The following PCDHGA7 variants were observed in gnomAD, a reference collection of about 807,000 sequenced individuals.
The protein encoded by PCDHGA7 is protocadherin gamma subfamily A, 7.
In PCDHGA7, 44 loss-of-function variants were observed where a neutral mutation model predicts 58.3. That is an observed-to-expected ratio of 0.75 (90% CI 0.59 to 0.97). PCDHGA7 has a LOEUF of 0.97. Ranked by LOEUF, PCDHGA7 falls within the 50% of genes least tolerant of loss-of-function variation. PCDHGA7 has a pLI of 0.00. For missense variants in PCDHGA7, 1,266 were observed against 1,188.7 expected, an observed-to-expected ratio of 1.06 and a Z score of -0.96; for synonymous variants, 516 against 504.2, an observed-to-expected ratio of 1.02 and a Z score of -0.31.
intron 1 of PCDHGA7, chr5:141,440,348 C>G (rs2098169693): frequency 6.6e-6 from 1 of 152,190 alleles, no homozygotes; most frequent in South Asian, 2.1e-4. Flanking sequence ...GGCCTATAAT[C>G]CTAGCTACTC....
Position 141,392,895 on chromosome 5 carries a change from A to C in PCDHGA7, c.2424+7572A>C, listed in dbSNP as rs1213908930. ...GCTGGGAACGCTGTGGGAAATCGGG[A>C]GGGGACAGATTCGCTACTCTGTGCC... On this transcript the variant is annotated intron_variant, in intron 1 of 3. Transcript: ENST00000518325. 11 of 1,613,660 alleles carry C rather than the reference A, an allele frequency of 6.8e-6. No individual in the cohort carries two copies. The Admixed American group carries it at 1.8e-4, about 27-fold the overall frequency.
intron 1 of PCDHGA7, chr5:141,399,437 A>G (rs780100815): frequency 3.7e-5 from 59 of 1,613,998 alleles, no homozygotes; most frequent in East Asian, 6.7e-5. Flanking sequence ...GTCATCCTAC[A>G]TATCAGAGAC....
intron 1 of PCDHGA7, among the ~76,000 whole-genome samples, chr5:141,481,063 C>T (rs2154578481): frequency 6.6e-6 from 1 of 151,952 alleles, no homozygotes; most frequent in Middle Eastern, 3.4e-3. Context: ...ACCTCAAAAA[C>T]AAAAAGAAAG....
rs2099701571 is a variant in PCDHGA7, at chr5:141,490,550, A to G, written c.2425-4257A>G. On this transcript the variant is annotated intron_variant, in intron 1 of 3. Coordinates refer to ENST00000518325, the MANE Select transcript of PCDHGA7 (RefSeq NM_018920.4). This position sits in a 1 kb window ranked among gnomAD's most constrained non-coding sequence, Gnocchi z 5.4. ...GCTGGTTCACCTTCCCTACACAAACATCTCACCATCAGGCTCAACATTTCA... is the reference window on the plus strand; with the variant it reads ...GCTGGTTCACCTTCCCTACACAAACGTCTCACCATCAGGCTCAACATTTCA... 1 of 1,614,092 alleles carries G rather than the reference A, an allele frequency of 6.2e-7. No individual in the cohort carries two copies.
intron 1 of PCDHGA7, chr5:141,415,385 C>T (rs1388093443): frequency 3.7e-6 from 6 of 1,614,228 alleles, no homozygotes; most frequent in Non-Finnish European, 5.1e-6. Flanking sequence ...GGCGGCTTGA[C>T]AGGTGTGTCC....
rs768990626 is a variant in PCDHGA7, at chr5:141,427,590, C to T, written c.2424+42267C>T. On this transcript the variant is annotated intron_variant, in intron 1 of 3. Coordinates refer to ENST00000518325, the MANE Select transcript of PCDHGA7 (RefSeq NM_018920.4). ...GCCTCCGCTCTCATCCAGCACAAGCCTCACCCTACGCATTGGTGAAGTCAA... is the reference window on the plus strand; with the variant it reads ...GCCTCCGCTCTCATCCAGCACAAGCTTCACCCTACGCATTGGTGAAGTCAA... 44 of 678,892 alleles carry T rather than the reference C, an allele frequency of 6.5e-5. No individual in the cohort carries two copies. In the Admixed American group the frequency reaches 8.5e-4, roughly 13 times the overall value. The allele number at this position is 678,892 out of a possible 1,614,324, so 42.1% of individuals were successfully genotyped here.
chr5:141,385,316 G>A lies in PCDHGA7; in HGVS notation c.2417G>A (p.Ser806Asn). 1.2e-6 allele frequency: 2 copies of A among 1,610,350 alleles called. No homozygotes were observed. The highest frequency in any genetic ancestry group is 1.7e-6 in the Non-Finnish European group (2 of 1,177,750). ...CAGGAATGTAAAGAAAACCTGCCAA[G>A]TATTCAGGTGAGCCCAGCCCTTCCT... ...DFQECKENLP[S>N]IQQAPPNTDW... The change falls in exon 1 of 4, where the codon AGT becomes AAT. Residue 806 changes from serine (S) to asparagine (N), a missense_variant. Ser to Asn is a conservative substitution (Grantham distance 46). Coordinates refer to ENST00000518325, the MANE Select transcript of PCDHGA7 (RefSeq NM_018920.4).
intron 1 of PCDHGA7, chr5:141,430,541 C>T: frequency 2.5e-6 from 1 of 392,344 alleles, no homozygotes; most frequent in Non-Finnish European, 4.5e-6. Flanking sequence ...ACTCTGAGCG[C>T]CGCTGTTCAC....
rs775104626 is a variant in PCDHGA7, at chr5:141,486,636, C to T, written c.2425-8171C>T. On this transcript the variant is annotated intron_variant, in intron 1 of 3. Transcript: ENST00000518325. This position sits in a 1 kb window ranked among gnomAD's most constrained non-coding sequence, Gnocchi z 5.0. ...TCTGACCCAGACTCTGGCTTGAATG[C>T]GCTTATCTCCTACTCACTCCTGGAG... 7 of 1,613,540 alleles carry T rather than the reference C, an allele frequency of 4.3e-6. No individual in the cohort carries two copies. The highest frequency in any genetic ancestry group is 1.3e-5 in the African/African-American group (1 of 74,926).
chr5:141,436,414 A>G (rs1459862288), intron 1 of PCDHGA7, among the ~76,000 whole-genome samples: 1 of 152,234 alleles, frequency 6.6e-6, no homozygotes, highest in East Asian at 1.9e-4. Flanking sequence ...ATGAATGGAT[A>G]AACAAATAAT....
At chr5:141,443,126 A>G (rs972396091) in intron 1 of PCDHGA7, among the ~76,000 whole-genome samples, 1 of 152,190 alleles carries the variant, frequency 6.6e-6, no homozygotes, top group Non-Finnish European at 1.5e-5. Context: ...AACCAGATTA[A>G]GAACACTATC....
chr5:141,423,766 C>A, intron 1 of PCDHGA7: 1 of 1,110,086 alleles, frequency 9.0e-7, no homozygotes, highest in Non-Finnish European at 1.1e-6. Context: ...GGGGGTGGGG[C>A]GGCATATATT....
At chr5:141,414,629 G>A (rs2095766704) in intron 1 of PCDHGA7, 2 of 1,613,882 alleles carry the variant, frequency 1.2e-6, no homozygotes, top group Non-Finnish European at 1.7e-6. Context: ...GACCCGGACA[G>A]CAAAGAGAAT....
Position 141,384,763 on chromosome 5 carries a change from T to C in PCDHGA7, c.1864T>C (p.Tyr622His). ...SEPGLFAVGL[Y>H]TGEVRTARAL... ...GCCAGGACTCTTTGCGGTTGGGCTG[T>C]ACACGGGCGAGGTGCGCACGGCTCG... is the stretch of plus-strand genomic sequence containing the variant. The change falls in exon 1 of 4, where the codon TAC (tyrosine) becomes CAC (histidine). Residue 622 changes from tyrosine to histidine, a missense_variant. Transcript: ENST00000518325. 1 of 1,613,952 alleles carries C rather than the reference T, an allele frequency of 6.2e-7. No individual in the cohort carries two copies.
chr5:141,403,324 T>G (rs769971532), intron 1 of PCDHGA7: 1 of 1,613,974 alleles, frequency 6.2e-7, no homozygotes, highest in East Asian at 2.2e-5. Context: ...TAGAAGTAAC[T>G]GATATTAACG....
chr5:141,487,455 A>G lies in PCDHGA7; in HGVS notation c.2425-7352A>G, dbSNP rs751456631. 6.2e-7 allele frequency: 1 copy of G among 1,614,122 alleles called. No individual in the cohort carries two copies. The highest frequency in any genetic ancestry group is 8.5e-7 in the Non-Finnish European group (1 of 1,180,032). On this transcript the variant is annotated intron_variant, in intron 1 of 3. Coordinates refer to ENST00000518325, the MANE Select transcript of PCDHGA7 (RefSeq NM_018920.4). The surrounding 1 kb of genome is among the most constrained non-coding windows in gnomAD (Gnocchi z 5.0). ...CAGCTAGGGTCAGATGACCCTATCA[A>G]GTTTGTTGATGTGGGAGGCCACTCT...
At chr5:141,422,638 T>C (rs1412270971) in intron 1 of PCDHGA7, 1 of 1,612,392 alleles carries the variant, frequency 6.2e-7, no homozygotes, top group Non-Finnish European at 8.5e-7. Context: ...CAGGGGTGCC[T>C]CCATCTTCTC....
intron 1 of PCDHGA7, chr5:141,478,121 G>A (rs1393103666): frequency 1.2e-6 from 2 of 1,613,918 alleles, no homozygotes; most frequent in South Asian, 1.1e-5. Flanking sequence ...AGTAACCGAG[G>A]ACTCTCCTGA....
At chr5:141,436,473 C>CA (rs2097825744) in intron 1 of PCDHGA7, among the ~76,000 whole-genome samples, 1 of 152,112 alleles carries the variant, frequency 6.6e-6, no homozygotes, top group Non-Finnish European at 1.5e-5. Context: ...TCAGATGTAT[C>CA]ATAGAAGGAT....
Sources: allele counts gnomAD v4.1 joint callset (sites outside exome capture counted in the v4.1 genomes callset), GRCh38; gene constraint gnomAD v4.1.1; non-coding constraint Gnocchi (gnomAD v3.1); transcripts MANE v1.5; gene names NCBI Gene and HGNC (gene_info 2026-07-23, HGNC 2026-07-21).